GRM5: variants seen among roughly 807,000 people sequenced by gnomAD.
The protein encoded by GRM5 is glutamate metabotropic receptor 5.
GRM5 carries 19 observed loss-of-function variants against 83.1 expected under a neutral mutation model. That is an observed-to-expected ratio of 0.23 (90% CI 0.16 to 0.34). The LOEUF (loss-of-function observed/expected upper bound fraction) is 0.34. Ranked by LOEUF, GRM5 falls within the 10% of genes least tolerant of loss-of-function variation. The pLI, the probability that GRM5 is intolerant of heterozygous loss-of-function variation, is 1.00. For synonymous variants in GRM5, 675 were observed against 633.6 expected, an observed-to-expected ratio of 1.07 and a Z score of -0.98; for missense variants, 1,160 against 1,588.3, an observed-to-expected ratio of 0.73 and a Z score of 4.58.
chr11:88,577,532 T>C (rs1943137913), intron 7 of GRM5, among the ~76,000 whole-genome samples: 1 of 152,150 alleles, frequency 6.6e-6, no homozygotes, highest in Non-Finnish European at 1.5e-5. Context: ...TAAAATAATG[T>C]ATTGACCAAA....
intron 2 of GRM5, among the ~76,000 whole-genome samples, chr11:88,954,181 A>G (rs1459933304): frequency 6.6e-6 from 1 of 152,206 alleles, no homozygotes; most frequent in Non-Finnish European, 1.5e-5. Context: ...AGAGTTGGGA[A>G]AGCACAATAC....
intron 2 of GRM5, among the ~76,000 whole-genome samples, chr11:88,912,879 C>G (rs1945522989): frequency 1.3e-5 from 2 of 152,164 alleles, no homozygotes; most frequent in Non-Finnish European, 2.9e-5. Context: ...ATGCCAGTCC[C>G]TTAAATGCCT....
At chr11:88,832,548 A>G (rs922689705) in intron 3 of GRM5, among the ~76,000 whole-genome samples, 1 of 152,172 alleles carries the variant, frequency 6.6e-6, no homozygotes, top group Non-Finnish European at 1.5e-5. Context: ...GCTCAAAGCA[A>G]TCTACAGATT....
At chr11:88,925,796 C>G (rs569141883) in intron 2 of GRM5, 1 of 451,062 alleles carries the variant, frequency 2.2e-6, no homozygotes, top group African/African-American at 2.0e-5. Flanking sequence ...GTAATCCTAG[C>G]TCCTCTGGAG....
intron 8 of GRM5, among the ~76,000 whole-genome samples, chr11:88,537,792 C>A (rs1942169328): frequency 6.6e-6 from 1 of 152,102 alleles, no homozygotes; most frequent in African/African-American, 2.4e-5. Context: ...CAACTTGATT[C>A]CTTCAGATAA....
chr11:88,941,431 C>A (rs962008024), intron 2 of GRM5, among the ~76,000 whole-genome samples: 4 of 126,698 alleles, frequency 3.2e-5, no homozygotes, highest in Non-Finnish European at 4.8e-5. Flanking sequence ...GGAGAAGAGA[C>A]GAGAATAGGG....
chr11:88,769,263 G>T (rs1215938558), intron 3 of GRM5, among the ~76,000 whole-genome samples: 1 of 152,040 alleles, frequency 6.6e-6, no homozygotes, highest in African/African-American at 2.4e-5. Context: ...TAGACTTGGA[G>T]ACAACAATAA....
intron 5 of GRM5, among the ~76,000 whole-genome samples, chr11:88,601,083 A>G (rs1453614969): frequency 3.9e-5 from 6 of 152,240 alleles, no homozygotes; most frequent in African/African-American, 1.2e-4. Flanking sequence ...AGAAAAAAAA[A>G]GAAGGTAAAT....
intron 3 of GRM5, among the ~76,000 whole-genome samples, chr11:88,663,441 T>G (rs957538288): frequency 1.3e-5 from 2 of 152,246 alleles, no homozygotes; most frequent in Non-Finnish European, 2.9e-5. Flanking sequence ...CATCATATTA[T>G]AGCCATTTGG....
chr11:88,763,526 A>G (rs920905991), intron 3 of GRM5, among the ~76,000 whole-genome samples: 11 of 147,474 alleles, frequency 7.5e-5, no homozygotes, highest in African/African-American at 2.7e-4. Flanking sequence ...TTTATAAGAC[A>G]AATGTGTTTA....
intron 3 of GRM5, among the ~76,000 whole-genome samples, chr11:88,677,048 T>C (rs1357305805): frequency 6.6e-6 from 1 of 152,120 alleles, no homozygotes; most frequent in East Asian, 1.9e-4. Context: ...GGTTGTATGG[T>C]AAATTAATTA....
At chr11:88,547,096 A>T (rs912386192) in intron 8 of GRM5, among the ~76,000 whole-genome samples, 18 of 152,310 alleles carry the variant, frequency 1.2e-4, no homozygotes, top group African/African-American at 4.1e-4. Context: ...ATATCTGATT[A>T]AAAATGGGTA....
At chr11:88,588,469 C>T (rs1425870426) in intron 7 of GRM5, among the ~76,000 whole-genome samples, 2 of 151,868 alleles carry the variant, frequency 1.3e-5, no homozygotes, top group Non-Finnish European at 2.9e-5. Flanking sequence ...AATCTAGGGG[C>T]AAGGGAATAA....
chr11:88,988,581 A>G (rs1029254734), intron 2 of GRM5, among the ~76,000 whole-genome samples: 48 of 151,196 alleles, frequency 3.2e-4, no homozygotes, highest in Non-Finnish European at 5.6e-4. Flanking sequence ...AGTTGAAATG[A>G]AGGAAAAAAT....
intron 2 of GRM5, among the ~76,000 whole-genome samples, chr11:88,992,474 C>A (rs1300854817): frequency 6.6e-6 from 1 of 152,140 alleles, no homozygotes. Flanking sequence ...CCTCAGGGAT[C>A]TAGAACTAGA....
intron 7 of GRM5, among the ~76,000 whole-genome samples, chr11:88,582,367 T>G (rs2135195203): frequency 6.6e-6 from 1 of 152,326 alleles, no homozygotes; most frequent in South Asian, 2.1e-4. Context: ...TGCAATTATT[T>G]AAGTAAGGTT....
At position 88,710,065 on chromosome 11, in the gene GRM5, G is replaced by T. The variant is rs116675341; in HGVS notation, c.912-56662C>A. Among the ~76,000 whole-genome samples, 1,156 of 152,150 alleles carry T rather than the reference G, an allele frequency of 7.6e-3. 16 individuals are homozygous for T. Among genetic ancestry groups the T allele is most frequent in the African/African-American group, 0.026 (1,098 of 41,518 alleles). On this transcript the variant is annotated intron_variant, in intron 3 of 9. Coordinates refer to ENST00000305447, the MANE Select transcript of GRM5 (RefSeq NM_001143831.3). ...TTCAAATTAAACTCCCCCAGGAGCC[G>T]AATTACCTGAGCTAATGTATCTCAT...
intron 2 of GRM5, among the ~76,000 whole-genome samples, chr11:88,864,871 G>T (rs1025598360): frequency 1.3e-5 from 2 of 151,926 alleles, no homozygotes; most frequent in African/African-American, 4.8e-5. Flanking sequence ...AGTTTTTAGC[G>T]TAAAGGGGTG....
In GRM5 at chr11:88,604,228, A is replaced by C. The variant is rs528654113; in HGVS notation, c.1394+490T>G. ...ACAATTTAGTCCTTAACAAGGAAGA[A>C]AGTGATCCAGCTGGAGAATAATAAA... is the stretch of plus-strand genomic sequence containing the variant. On this transcript the variant is annotated intron_variant, in intron 5 of 9. Coordinates refer to ENST00000305447, the MANE Select transcript of GRM5 (RefSeq NM_001143831.3). Among the ~76,000 whole-genome samples, 4 of 152,192 alleles carry C rather than the reference A, an allele frequency of 2.6e-5. No individual in the cohort carries two copies. The East Asian group carries it at 7.7e-4, about 29-fold the overall frequency.
Sources: allele counts gnomAD v4.1 joint callset (sites outside exome capture counted in the v4.1 genomes callset), GRCh38; gene constraint gnomAD v4.1.1; transcripts MANE v1.5; gene names NCBI Gene and HGNC (gene_info 2026-07-23, HGNC 2026-07-21).